ZCCHC7: variants seen among roughly 807,000 people sequenced by gnomAD.
ZCCHC7 encodes the protein zinc finger CCHC domain-containing protein 7.
A neutral mutation model predicts 52.0 loss-of-function variants in ZCCHC7; 35 were observed. That is an observed-to-expected ratio of 0.67 (90% confidence interval 0.51 to 0.89). The LOEUF is 0.89. ZCCHC7 is among the 40% of genes least tolerant of loss of function. The probability of loss-of-function intolerance (pLI) is 0.00; values close to 1 mark genes in which losing one functional copy is unlikely to be tolerated. For missense variants in ZCCHC7, 574 were observed against 649.1 expected (o/e 0.88, Z 1.26); for synonymous variants, 217 against 221.5 (o/e 0.98, Z 0.18).
chr9:37,123,795 A>G (rs753042190), intron 1 of ZCCHC7, among the ~76,000 whole-genome samples: 2 of 152,264 alleles, frequency 1.3e-5, no homozygotes, highest in African/African-American at 2.4e-5. Context: ...GAAAGGATTC[A>G]TCTTTTATTC....
At chr9:37,339,604 AT>A (rs1406409189) in intron 6 of ZCCHC7, among the ~76,000 whole-genome samples, 1 of 152,198 alleles carries the variant, frequency 6.6e-6, no homozygotes, top group Non-Finnish European at 1.5e-5. Context: ...GGCACATGTG[AT>A]TTAGTCAGTA....
intron 1 of ZCCHC7, among the ~76,000 whole-genome samples, chr9:37,124,765 C>G (rs1842470379): frequency 6.6e-6 from 1 of 152,138 alleles, no homozygotes; most frequent in Non-Finnish European, 1.5e-5. Flanking sequence ...ACATTTATTC[C>G]CAAAGCTGGG....
At chr9:37,317,580 T>G (rs1034799183) in intron 5 of ZCCHC7, among the ~76,000 whole-genome samples, 1 of 152,120 alleles carries the variant, frequency 6.6e-6, no homozygotes, top group Non-Finnish European at 1.5e-5. Flanking sequence ...AGAGCAAATT[T>G]TATTTTTTAA....
At chr9:37,287,998 G>T (rs185216245) in intron 2 of ZCCHC7, among the ~76,000 whole-genome samples, 142 of 152,138 alleles carry the variant, frequency 9.3e-4, no homozygotes, top group Non-Finnish European at 1.8e-3. Flanking sequence ...CTGTCTAGAG[G>T]CTGGGTGCAG....
At chr9:37,260,224 T>C (rs763532326) in intron 2 of ZCCHC7, among the ~76,000 whole-genome samples, 1 of 152,206 alleles carries the variant, frequency 6.6e-6, no homozygotes, top group African/African-American at 2.4e-5. Flanking sequence ...GGCTTTCCAC[T>C]GTATATCCCC....
intron 2 of ZCCHC7, among the ~76,000 whole-genome samples, chr9:37,226,629 G>A (rs1333008742): frequency 6.6e-6 from 1 of 152,136 alleles, no homozygotes; most frequent in Non-Finnish European, 1.5e-5. Flanking sequence ...CCAGTCTATA[G>A]CCATATGCCA....
chr9:37,329,387 A>C (rs139113265), intron 6 of ZCCHC7, among the ~76,000 whole-genome samples: 20 of 152,024 alleles, frequency 1.3e-4, no homozygotes, highest in African/African-American at 4.1e-4. Flanking sequence ...ATCATTAGGA[A>C]AAAATAATAC....
intron 2 of ZCCHC7, among the ~76,000 whole-genome samples, chr9:37,164,441 T>A (rs1383946552): frequency 1.4e-5 from 2 of 139,410 alleles, no homozygotes; most frequent in African/African-American, 2.7e-5. Context: ...TGAGACTGTC[T>A]TAGATAGATA....
intron 2 of ZCCHC7, among the ~76,000 whole-genome samples, chr9:37,141,286 A>G (rs911071181): frequency 4.0e-5 from 6 of 150,656 alleles, no homozygotes; most frequent in African/African-American, 1.5e-4. Context: ...ATTGCTAAAG[A>G]AAAAGGGGAA....
chr9:37,121,643 G>A (rs1564124899), intron 1 of ZCCHC7: 1 of 152,180 alleles, frequency 6.6e-6, no homozygotes, highest in East Asian at 1.9e-4. Flanking sequence ...GATCGCAAGT[G>A]AGGATTATAT....
At chr9:37,341,501 C>T (rs1258017969) in intron 6 of ZCCHC7, among the ~76,000 whole-genome samples, 1 of 152,148 alleles carries the variant, frequency 6.6e-6, no homozygotes, top group Non-Finnish European at 1.5e-5. Context: ...ACAAAAATCC[C>T]TGCCCTCACA....
At position 37,164,490 on chromosome 9, in the gene ZCCHC7, TAGATAGATAGAC is replaced by T. The variant is rs941419159; in HGVS notation, c.610+37552_610+37563del. ...ATAGATAGATAGATAGATAGATAGA[TAGATAGATAGAC>T]AGACAAGATAGATAGACTCTGTCTC... On this transcript the variant is annotated intron_variant, in intron 2 of 8. Transcript: ENST00000336755. Among the ~76,000 whole-genome samples the T allele has an allele frequency of 1.0e-4, 13 of 128,970 alleles. No homozygotes were observed. In the South Asian group the frequency reaches 1.8e-3, roughly 18 times the overall value. The allele number at this position is 128,970 out of a possible 152,430, so 84.6% of individuals were successfully genotyped here. A position where few individuals can be genotyped will look rare whatever the true frequency, so the allele number is the denominator to read the frequency against.
chr9:37,165,823 A>G (rs1821387947), intron 2 of ZCCHC7, among the ~76,000 whole-genome samples: 1 of 152,242 alleles, frequency 6.6e-6, no homozygotes. Context: ...CAGAACTAAC[A>G]TCAGAATCAT....
At chr9:37,240,830 T>C (rs1333345310) in intron 2 of ZCCHC7, among the ~76,000 whole-genome samples, 1 of 151,832 alleles carries the variant, frequency 6.6e-6, no homozygotes, top group East Asian at 1.9e-4. Flanking sequence ...TTTGTTATTG[T>C]TAAGAAGCCA....
chr9:37,324,806 G>A (rs1227232419), intron 5 of ZCCHC7, among the ~76,000 whole-genome samples: 1 of 152,226 alleles, frequency 6.6e-6, no homozygotes, highest in Non-Finnish European at 1.5e-5. Context: ...GAGGAGGAAA[G>A]GCCGCTTAGT....
In ZCCHC7 at chr9:37,147,852, A is replaced by T. The variant is rs544745429; in HGVS notation, c.610+20910A>T. Among the ~76,000 whole-genome samples, 18 of 152,098 alleles carry T rather than the reference A, an allele frequency of 1.2e-4. No individual in the cohort carries two copies. The South Asian group carries it at 1.2e-3, about 11-fold the overall frequency. ...TAATTTTTATTAGCATTGCATTTTT[A>T]AAAAAATCTACATTATAACATATTG... On this transcript the variant is annotated intron_variant, in intron 2 of 8. Coordinates refer to ENST00000336755, the MANE Select transcript of ZCCHC7 (RefSeq NM_032226.3).
At chr9:37,156,003 G>A (rs1028223828) in intron 2 of ZCCHC7, among the ~76,000 whole-genome samples, 3 of 152,170 alleles carry the variant, frequency 2.0e-5, no homozygotes, top group Admixed American at 6.5e-5. Flanking sequence ...TGACCCCAGC[G>A]TTCCTATGCT....
intron 4 of ZCCHC7, among the ~76,000 whole-genome samples, chr9:37,304,886 G>C (rs1395840046): frequency 6.6e-6 from 1 of 152,088 alleles, no homozygotes; most frequent in African/African-American, 2.4e-5. Context: ...TGAAAAGATT[G>C]AATCAGATGA....
Position 37,357,117 on chromosome 9 carries a change from C to G in ZCCHC7, c.1481C>G (p.Pro494Arg). The change falls in exon 9 of 9, where the codon CCC (proline) becomes CGC (arginine). Residue 494 changes from proline (P) to arginine (R), a missense_variant. By Grantham distance (103) the Pro-to-Arg change is moderately radical (BLOSUM62 -2). This residue lies in a region of ZCCHC7 where 168 missense variants were observed against 171.6 expected (regional missense o/e 0.98). Coordinates refer to ENST00000336755, the MANE Select transcript of ZCCHC7 (RefSeq NM_032226.3). The stretch of plus-strand genomic sequence containing the variant: ...TTTAAAACCCAGAAGCCTTCTAAGC[C>G]CTTTCACCGTTCATCACATTACCAC... Reference protein sequence around the residue: ...GSFKTQKPSKPFHRSSHYHTS... With the variant: ...GSFKTQKPSKRFHRSSHYHTS... 1 of 1,613,596 alleles carries G rather than the reference C, an allele frequency of 6.2e-7. No homozygotes were observed. The highest frequency in any genetic ancestry group is 8.5e-7 in the Non-Finnish European group (1 of 1,179,944).
Sources: allele counts gnomAD v4.1 joint callset (sites outside exome capture counted in the v4.1 genomes callset), GRCh38; gene constraint gnomAD v4.1.1; regional missense constraint gnomAD v4.1.1; transcripts MANE v1.5; gene names NCBI Gene and HGNC (gene_info 2026-07-23, HGNC 2026-07-21).